Variants in RUFY3 observed in about 807,000 individuals in gnomAD.
The protein encoded by RUFY3 is RUN and FYVE domain containing 3, also known as protein RUFY3.
In RUFY3, 34 loss-of-function variants were observed where a neutral mutation model predicts 84.0. The observed-to-expected ratio is 0.40, with a 90% confidence interval of 0.31 to 0.54. The LOEUF is 0.54. Ranked by LOEUF, RUFY3 falls within the 20% of genes least tolerant of loss-of-function variation. The pLI is 0.39. For missense variants in RUFY3, 507 were observed against 736.8 expected (o/e 0.69, Z 3.61); for synonymous variants, 242 against 252.9 (o/e 0.96, Z 0.41).
At chr4:70,717,376 C>A (rs1741741326), upstream of RUFY3, among the ~76,000 whole-genome samples, 1 of 152,064 alleles carries the variant, frequency 6.6e-6, no homozygotes, top group Admixed American at 6.6e-5. Context: ...GAGCCCATGA[C>A]AGAAAAGTCC....
intron 1 of RUFY3, among the ~76,000 whole-genome samples, chr4:70,730,572 C>CAAA (rs796173421): frequency 1.9e-5 from 2 of 106,550 alleles, no homozygotes; most frequent in African/African-American, 3.5e-5. Flanking sequence ...ACTAAAAATA[C>CAAA]AAAAAAAAAA....
intron 14 of RUFY3, chr4:70,799,818 GA>G (rs953079376): frequency 1.3e-3 from 298 of 236,308 alleles, no homozygotes; most frequent in African/African-American, 1.9e-3. Flanking sequence ...CTGGGGAAAA[GA>G]AAAAAAAAAT....
At chr4:70,740,911 A>C (rs1221316281) in intron 1 of RUFY3, among the ~76,000 whole-genome samples, 3 of 152,214 alleles carry the variant, frequency 2.0e-5, no homozygotes, top group African/African-American at 7.2e-5. Flanking sequence ...TGGTGTTACA[A>C]CATGATGTGA....
intron 1 of RUFY3, among the ~76,000 whole-genome samples, chr4:70,727,354 C>CT (rs762253929): frequency 0.015 from 1,812 of 118,172 alleles, 65 homozygotes; most frequent in African/African-American, 0.037. Context: ...AAAGTAATAA[C>CT]TTTTTTTTTT....
chr4:70,717,687 T>C (rs1196410554), upstream of RUFY3, among the ~76,000 whole-genome samples: 1 of 151,918 alleles, frequency 6.6e-6, no homozygotes, highest in African/African-American at 2.4e-5. Context: ...AGTGCTGAAG[T>C]TGCAGAGTGT....
chr4:70,792,765 A>G, intron 12 of RUFY3: 9 of 985,358 alleles, frequency 9.1e-6, no homozygotes, highest in Non-Finnish European at 1.1e-5. Context: ...CCCTGCACAG[A>G]TTGGACTTGA....
In RUFY3 at chr4:70,734,448, A is replaced by G. The variant is rs536431579; in HGVS notation, c.178+11697A>G. The G allele has an allele frequency of 5.0e-5, 49 of 985,350 alleles. 1 individual carries two copies. In the Admixed American group the frequency reaches 2.8e-3, roughly 57 times the overall value. 61.0% of individuals were successfully genotyped at this position (985,350 alleles called of 1,614,324 possible). On this transcript the variant is annotated intron_variant, in intron 1 of 17. Transcript: ENST00000381006. ...CTCTGAGCTGTGATTATGTGTTCAG[A>G]AGGCAGTCTCAGTGAACTTCTCAAA...
rs956999926 is a variant in RUFY3 at position 70,806,947 on chromosome 4, T to A, written c.*288T>A. 8 of 246,598 alleles carry A rather than the reference T, an allele frequency of 3.2e-5. No individual in the cohort carries two copies. The highest frequency in any genetic ancestry group is 5.4e-5 in the Non-Finnish European group (7 of 128,946). The allele number at this position is 246,598 out of a possible 1,614,324, so 15.3% of individuals were successfully genotyped here. Reference sequence around the variant, plus strand: ...GCATATCTTTGGAAAGGCAACTCATTTTTATGATTAGTGATACTGGGGTGG... The same window carrying A: ...GCATATCTTTGGAAAGGCAACTCATATTTATGATTAGTGATACTGGGGTGG... On this transcript the variant is annotated 3_prime_UTR_variant, in exon 18 of 18. Transcript: ENST00000381006.
chr4:70,776,316 C>T (rs1727960060), intron 7 of RUFY3, among the ~76,000 whole-genome samples: 1 of 152,190 alleles, frequency 6.6e-6, no homozygotes, highest in African/African-American at 2.4e-5. Flanking sequence ...GTGTCTCCCT[C>T]AAAATCAACA....
At chr4:70,791,833 T>C (rs1267376683) in intron 12 of RUFY3, 2 of 985,692 alleles carry the variant, frequency 2.0e-6, no homozygotes, top group Admixed American at 1.2e-4. Context: ...AAGCCAAGGA[T>C]AGTACTTAGT....
intron 4 of RUFY3, among the ~76,000 whole-genome samples, chr4:70,765,208 T>G (rs1356528969): frequency 7.5e-6 from 1 of 134,214 alleles, no homozygotes; most frequent in Non-Finnish European, 1.6e-5. Flanking sequence ...AAAAAAAATG[T>G]GTATATATAT....
At chr4:70,748,782 T>C (rs901773144) in intron 1 of RUFY3, among the ~76,000 whole-genome samples, 5 of 152,142 alleles carry the variant, frequency 3.3e-5, no homozygotes, top group African/African-American at 1.2e-4. Flanking sequence ...GGAGAACCCA[T>C]TGTTTTTATA....
At chr4:70,740,074 A>G (rs556813016) in intron 1 of RUFY3, among the ~76,000 whole-genome samples, 2 of 152,000 alleles carry the variant, frequency 1.3e-5, no homozygotes, top group Non-Finnish European at 2.9e-5. Flanking sequence ...CTAATTATGT[A>G]GCTCTGAAAA....
chr4:70,725,254 A>G (rs1718036165), intron 1 of RUFY3, among the ~76,000 whole-genome samples: 1 of 152,178 alleles, frequency 6.6e-6, no homozygotes, highest in Non-Finnish European at 1.5e-5. Flanking sequence ...TAAATAAATG[A>G]AAATAAAAGC....
intron 12 of RUFY3, chr4:70,790,037 TTCTC>T (rs781365058): frequency 1.0e-4 from 29 of 289,254 alleles, no homozygotes; most frequent in Non-Finnish European, 1.4e-4. Context: ...TTCTGGATCT[TTCTC>T]TCCCTTCTTT....
chr4:70,760,185 T>G (rs183374298), intron 1 of RUFY3, among the ~76,000 whole-genome samples: 1 of 152,334 alleles, frequency 6.6e-6, no homozygotes, highest in African/African-American at 2.4e-5. Context: ...GCCAGATGTC[T>G]TAAACATTTC....
At chr4:70,797,984 G>GTTTTAAGT (rs1227827593) in intron 14 of RUFY3, among the ~76,000 whole-genome samples, 1 of 152,126 alleles carries the variant, frequency 6.6e-6, no homozygotes, top group Non-Finnish European at 1.5e-5. Context: ...TTCCAATGAG[G>GTTTTAAGT]TTTTAAGTTT....
chr4:70,758,833 A>C (rs1481625379), intron 1 of RUFY3, among the ~76,000 whole-genome samples: 1 of 151,994 alleles, frequency 6.6e-6, no homozygotes, highest in Non-Finnish European at 1.5e-5. Flanking sequence ...AGGTCAGGAG[A>C]TCAAGACCAT....
chr4:70,773,656 T>C (rs908655786), intron 6 of RUFY3, 84 bp downstream of exon 6: 17 of 865,288 alleles, frequency 2.0e-5, no homozygotes, highest in Non-Finnish European at 2.8e-5. Flanking sequence ...ACAACAATAC[T>C]GTTTTAACAG....
Sources: allele counts gnomAD v4.1 joint callset (sites outside exome capture counted in the v4.1 genomes callset), GRCh38; gene constraint gnomAD v4.1.1; transcripts MANE v1.5; gene names NCBI Gene and HGNC (gene_info 2026-07-23, HGNC 2026-07-21).